Variants in CCM2 observed in about 807,000 individuals in gnomAD.
The protein encoded by CCM2 is cerebral cavernous malformations 2 protein.
Under a neutral mutation model 44.9 loss-of-function variants are expected in CCM2, and 25 were observed. That is an observed-to-expected ratio of 0.56 (90% CI 0.41 to 0.78). The LOEUF (loss-of-function observed/expected upper bound fraction) is 0.78, where lower values mean the gene tolerates loss of function less well. Among genes scored for constraint, CCM2 ranks in the 30% least tolerant of loss-of-function variants. The probability of loss-of-function intolerance (pLI) is 0.00; values close to 1 mark genes in which losing one functional copy is unlikely to be tolerated. For missense variants in CCM2, 481 were observed against 580.6 expected, an observed-to-expected ratio of 0.83 and a Z score of 1.76; for synonymous variants, 219 against 241.1, an observed-to-expected ratio of 0.91 and a Z score of 0.85.
At position 45,038,238 on chromosome 7, in the gene CCM2, C is replaced by T. The variant is rs780928820; in HGVS notation, c.31-15C>T. 77 of 1,613,508 alleles carry T rather than the reference C, an allele frequency of 4.8e-5. No individual in the cohort carries two copies. Among genetic ancestry groups the T allele is most frequent in the Non-Finnish European group, 5.9e-5 (70 of 1,179,980 alleles). On this transcript the variant is annotated splice_polypyrimidine_tract_variant and intron_variant, in intron 1 of 9. Transcript: ENST00000258781. ...GTAAATAATGAACTCCAATCATTGCCGTTTCTGCCTGCAGCCTGGAATTGT... is the reference window on the plus strand; with the variant it reads ...GTAAATAATGAACTCCAATCATTGCTGTTTCTGCCTGCAGCCTGGAATTGT...
At chr7:45,014,469 A>G (rs1278043838) in intron 1 of CCM2, among the ~76,000 whole-genome samples, 2 of 152,044 alleles carry the variant, frequency 1.3e-5, no homozygotes, top group Non-Finnish European at 2.9e-5. Flanking sequence ...GTAAAAAAGC[A>G]AACGCATAAC....
At position 45,075,997 on chromosome 7, in the gene CCM2, C is replaced by T; in HGVS notation, c.1275C>T (p.Ile425=). 6.2e-7 allele frequency: 1 copy of T among 1,613,100 alleles called. No homozygotes were observed. The highest frequency in any genetic ancestry group is 2.2e-5 in the East Asian group (1 of 44,886). The change falls in exon 10 of 10, where the codon ATC becomes ATT. Residue 425 remains isoleucine, a synonymous_variant. Transcript: ENST00000258781. The part of the protein sequence containing the change: ...PSEGDEWDRM[I]SDISSDIEAL... ...AGGGGGATGAGTGGGACCGCATGAT[C>T]TCGGACATCAGCAGCGACATTGAGG... is the stretch of plus-strand genomic sequence containing the variant.
intron 2 of CCM2, among the ~76,000 whole-genome samples, chr7:45,045,350 T>C (rs1369717818): frequency 6.7e-6 from 1 of 149,672 alleles, no homozygotes; most frequent in Non-Finnish European, 1.5e-5. Flanking sequence ...AATAATACCA[T>C]ATGTTTGCAG....
chr7:45,020,030 A>G (rs970690134), intron 1 of CCM2, among the ~76,000 whole-genome samples: 3 of 151,984 alleles, frequency 2.0e-5, no homozygotes, highest in Admixed American at 6.6e-5. Flanking sequence ...CCTTTCCTAT[A>G]TTTCCCTCTC....
intron 5 of CCM2, 37 bp downstream of exon 5, chr7:45,068,616 C>T (rs761271260): frequency 6.2e-7 from 1 of 1,612,140 alleles, no homozygotes; most frequent in South Asian, 1.1e-5. Flanking sequence ...AGAACTGGCT[C>T]CTCCCAGACC....
intron 2 of CCM2, among the ~76,000 whole-genome samples, chr7:45,057,194 A>C (rs1798302848): frequency 6.8e-6 from 1 of 147,360 alleles, no homozygotes; most frequent in African/African-American, 2.5e-5. Flanking sequence ...ATGGAGTCTC[A>C]CTCTGTTACC....
chr7:45,035,637 C>T (rs1365804699), intron 1 of CCM2, among the ~76,000 whole-genome samples: 4 of 152,084 alleles, frequency 2.6e-5, no homozygotes, highest in African/African-American at 9.7e-5. Flanking sequence ...AAGGCGGATG[C>T]AGGGGTGGGT....
chr7:45,040,711 G>A (rs1797449835), intron 2 of CCM2, among the ~76,000 whole-genome samples: 1 of 152,192 alleles, frequency 6.6e-6, no homozygotes, highest in Non-Finnish European at 1.5e-5. Context: ...GGGAGGCCGG[G>A]CATGGTGGCT....
chr7:45,015,561 A>G (rs1370289978), intron 1 of CCM2, among the ~76,000 whole-genome samples: 1 of 152,214 alleles, frequency 6.6e-6, no homozygotes, highest in Non-Finnish European at 1.5e-5. Context: ...CCTGACCAAC[A>G]TGTTCCTGTG....
chr7:45,035,267 T>C (rs374938769), intron 1 of CCM2, among the ~76,000 whole-genome samples: 6 of 152,224 alleles, frequency 3.9e-5, no homozygotes, highest in East Asian at 1.9e-4. Flanking sequence ...GCAGAAAATA[T>C]ATTCATCATT....
At chr7:45,039,209 C>A (rs998361991) in intron 2 of CCM2, among the ~76,000 whole-genome samples, 6 of 152,154 alleles carry the variant, frequency 3.9e-5, no homozygotes, top group Admixed American at 1.3e-4. Flanking sequence ...GGGCTTTGGA[C>A]GTGCAGAAAC....
chr7:45,033,679 C>T (rs759590613), intron 1 of CCM2, among the ~76,000 whole-genome samples: 13 of 152,144 alleles, frequency 8.5e-5, no homozygotes, highest in Non-Finnish European at 1.0e-4. Flanking sequence ...TGCAAGCTTC[C>T]GAAAAGCTGG....
At chr7:45,038,463 C>G (rs368976298) in intron 2 of CCM2, 37 bp downstream of exon 2, 2 of 1,605,648 alleles carry the variant, frequency 1.2e-6, no homozygotes, top group East Asian at 4.5e-5. Context: ...GCCTGCCAAA[C>G]GACAGTGACG....
chr7:45,068,249 G>A (rs975306047), intron 4 of CCM2, 194 bp from the exon 5 acceptor site: 51 of 663,078 alleles, frequency 7.7e-5, no homozygotes, highest in Middle Eastern at 3.7e-4. Context: ...GGAGCTCAGG[G>A]GTCGCGTGTT....
chr7:45,019,718 G>C (rs1452604024), intron 1 of CCM2, among the ~76,000 whole-genome samples: 4 of 152,060 alleles, frequency 2.6e-5, no homozygotes, highest in Admixed American at 2.6e-4. Context: ...AAGTAGGTAG[G>C]ACTACAGGCA....
intron 1 of CCM2, among the ~76,000 whole-genome samples, chr7:45,034,808 A>G (rs768368093): frequency 5.3e-5 from 8 of 152,044 alleles, no homozygotes; most frequent in Non-Finnish European, 1.2e-4. Flanking sequence ...GGTGTGAGCC[A>G]CTGCACCCAG....
At chr7:45,039,848 G>C (rs1372670544) in intron 2 of CCM2, among the ~76,000 whole-genome samples, 3 of 151,898 alleles carry the variant, frequency 2.0e-5, no homozygotes, top group African/African-American at 7.3e-5. Context: ...CCAACATGGA[G>C]AAACCCCGTC....
chr7:45,028,010 A>G (rs1384636910), intron 1 of CCM2, among the ~76,000 whole-genome samples: 1 of 151,970 alleles, frequency 6.6e-6, no homozygotes, highest in Non-Finnish European at 1.5e-5. Context: ...GTGTATGGAG[A>G]AGTGCCGTTC....
At chr7:45,048,201 G>A (rs1797848010) in intron 2 of CCM2, among the ~76,000 whole-genome samples, 1 of 152,212 alleles carries the variant, frequency 6.6e-6, no homozygotes, top group African/African-American at 2.4e-5. Flanking sequence ...GTCCCAGTTA[G>A]TAAAGGAGAT....
Sources: gnomAD v4.1 joint callset for allele counts (sites outside exome capture counted in the v4.1 genomes callset) on GRCh38, gnomAD v4.1.1 for gene constraint, MANE v1.5 for transcripts, NCBI Gene and HGNC (gene_info 2026-07-23, HGNC 2026-07-21) for gene names.